ADGRB3: variants seen among roughly 807,000 people sequenced by gnomAD.
ADGRB3 encodes adhesion G protein-coupled receptor B3.
ADGRB3 carries 37 observed loss-of-function variants against 193.4 expected under a neutral mutation model. That is an observed-to-expected ratio of 0.19 (90% confidence interval 0.15 to 0.25). The LOEUF is 0.25. ADGRB3 is among the 10% of genes least tolerant of loss of function. ADGRB3 has a pLI of 1.00. For synonymous variants in ADGRB3, 690 were observed against 644.2 expected, an observed-to-expected ratio of 1.07 and a Z score of -1.08; for missense variants, 1,637 against 1,852.9, an observed-to-expected ratio of 0.88 and a Z score of 2.14.
At chr6:68,667,028 T>G (rs552667222) in intron 3 of ADGRB3, among the ~76,000 whole-genome samples, 6 of 151,962 alleles carry the variant, frequency 3.9e-5, no homozygotes, top group African/African-American at 1.4e-4. Flanking sequence ...GTAGTTGTAA[T>G]GGATTACTGT....
At chr6:69,098,126 T>C (rs1772937313) in intron 17 of ADGRB3, among the ~76,000 whole-genome samples, 2 of 152,190 alleles carry the variant, frequency 1.3e-5, no homozygotes, top group African/African-American at 4.8e-5. Flanking sequence ...TAGTGCAGCT[T>C]ACCTGAGTTT....
chr6:69,027,875 C>A (rs1454338457), intron 13 of ADGRB3, among the ~76,000 whole-genome samples: 1 of 152,212 alleles, frequency 6.6e-6, no homozygotes, highest in Non-Finnish European at 1.5e-5. Flanking sequence ...AAGAATCCAA[C>A]TACAGAAGCA....
At chr6:69,270,317 A>T (rs1387993095) in intron 20 of ADGRB3, among the ~76,000 whole-genome samples, 1 of 152,182 alleles carries the variant, frequency 6.6e-6, no homozygotes, top group Non-Finnish European at 1.5e-5. Context: ...AGAGAGAAAC[A>T]CTGGGATTTG....
At chr6:69,366,424 G>A (rs1769568930) in intron 29 of ADGRB3, among the ~76,000 whole-genome samples, 1 of 152,084 alleles carries the variant, frequency 6.6e-6, no homozygotes, top group African/African-American at 2.4e-5. Context: ...ATTACTTGCT[G>A]TGAATCTTCT....
At position 69,382,921 on chromosome 6, in the gene ADGRB3, A is replaced by G; in HGVS notation, c.4366A>G (p.Asn1456Asp). 6.2e-7 allele frequency: 1 copy of G among 1,602,866 alleles called. No individual in the cohort carries two copies. The highest frequency in any genetic ancestry group is 1.3e-5 in the African/African-American group (1 of 74,514). The change falls in exon 31 of 32, where the codon AAT becomes GAT. Residue 1456 changes from asparagine to aspartate, a missense_variant. This residue lies in a region of ADGRB3 where 368 missense variants were observed against 367.4 expected (regional missense o/e 1.00). Coordinates refer to ENST00000370598, the MANE Select transcript of ADGRB3 (RefSeq NM_001704.3). ...TTTGGACAGATTTCGGGATATACCA[A>G]ATACAAGCAGTATGGTAAGTATGCT... is the stretch of plus-strand genomic sequence containing the variant. ...QTLDRFRDIP[N>D]TSSMENPAPN...
At chr6:69,100,825 A>AGAAG (rs1280498014) in intron 17 of ADGRB3, among the ~76,000 whole-genome samples, 5 of 16,154 alleles carry the variant, frequency 3.1e-4, no homozygotes, top group Non-Finnish European at 7.3e-4. Flanking sequence ...AAGGAAGGAA[A>AGAAG]GAAGGAAGGA....
intron 19 of ADGRB3, among the ~76,000 whole-genome samples, chr6:69,236,284 C>T (rs906231665): frequency 4.0e-5 from 6 of 151,724 alleles, no homozygotes; most frequent in Non-Finnish European, 7.4e-5. Context: ...TATCTCTTGA[C>T]CCATTAGCAC....
chr6:68,931,447 T>G (rs191701003), intron 4 of ADGRB3, among the ~76,000 whole-genome samples: 1 of 152,222 alleles, frequency 6.6e-6, no homozygotes, highest in Non-Finnish European at 1.5e-5. Flanking sequence ...TTGCATGTAG[T>G]ACATCCTTAA....
At chr6:69,260,054 T>A (rs915562952) in intron 20 of ADGRB3, among the ~76,000 whole-genome samples, 1 of 152,210 alleles carries the variant, frequency 6.6e-6, no homozygotes, top group Non-Finnish European at 1.5e-5. Flanking sequence ...CGCAAAATTA[T>A]GTGTGTGTGC....
chr6:69,156,041 G>A (rs895498844), intron 17 of ADGRB3, among the ~76,000 whole-genome samples: 13 of 151,890 alleles, frequency 8.6e-5, no homozygotes, highest in Non-Finnish European at 1.6e-4. Flanking sequence ...ACATATGCTC[G>A]TTAATTTAAT....
chr6:69,369,907 C>T (rs902651700), intron 29 of ADGRB3, among the ~76,000 whole-genome samples: 1 of 152,002 alleles, frequency 6.6e-6, no homozygotes, highest in Non-Finnish European at 1.5e-5. Flanking sequence ...AAAAGTTAAC[C>T]TGCTTGACCT....
intron 3 of ADGRB3, among the ~76,000 whole-genome samples, chr6:68,686,144 A>G (rs1302024225): frequency 6.6e-6 from 1 of 152,156 alleles, no homozygotes; most frequent in Non-Finnish European, 1.5e-5. Flanking sequence ...TTCCCATCAA[A>G]CTCTTGCAAA....
chr6:68,740,066 C>T (rs1765949674), intron 3 of ADGRB3, among the ~76,000 whole-genome samples: 1 of 152,130 alleles, frequency 6.6e-6, no homozygotes, highest in Non-Finnish European at 1.5e-5. Flanking sequence ...CTCTCTGACA[C>T]TCTATTTTAT....
chr6:69,057,202 A>G (rs1771569585), intron 15 of ADGRB3, among the ~76,000 whole-genome samples: 1 of 152,048 alleles, frequency 6.6e-6, no homozygotes, highest in African/African-American at 2.4e-5. Flanking sequence ...GTTCATTGAT[A>G]ATGTATGGAA....
At chr6:68,957,909 C>G (rs9360368) in intron 8 of ADGRB3, among the ~76,000 whole-genome samples, 50,864 of 151,778 alleles carry the variant, frequency 0.34, 8,804 homozygotes, top group East Asian at 0.56. Context: ...TAAAAAAGAT[C>G]GAAAATTAGG....
Position 68,643,438 on chromosome 6 carries a change from C to CTTTTTTTTTTT in ADGRB3, c.757+4018_757+4028dup, listed in dbSNP as rs765489730. ...CTTTCTCTTTACACTCTTCATCTTC[C>CTTTTTTTTTTT]TTTTTTTTTTTTTTTTTTTTTTCGT... On this transcript the variant is annotated intron_variant, in intron 3 of 31. Transcript: ENST00000370598. Among the ~76,000 whole-genome samples the CTTTTTTTTTTT allele has an allele frequency of 8.1e-3, 530 of 65,036 alleles. 16 individuals are homozygous for CTTTTTTTTTTT. The highest frequency in any genetic ancestry group is 8.7e-3 in the Non-Finnish European group (333 of 38,432). 42.7% of individuals were successfully genotyped at this position (65,036 alleles called of 152,430 possible).
At chr6:68,673,119 A>G (rs1769007378) in intron 3 of ADGRB3, among the ~76,000 whole-genome samples, 1 of 152,036 alleles carries the variant, frequency 6.6e-6, no homozygotes, top group South Asian at 2.1e-4. Flanking sequence ...AGGTGCAATA[A>G]TAATTAAATG....
At chr6:68,828,330 A>T (rs1224120743) in intron 3 of ADGRB3, among the ~76,000 whole-genome samples, 1 of 152,192 alleles carries the variant, frequency 6.6e-6, no homozygotes, top group Non-Finnish European at 1.5e-5. Flanking sequence ...CCTCTGAAGA[A>T]GATGTTCTAG....
intron 3 of ADGRB3, among the ~76,000 whole-genome samples, chr6:68,707,558 A>G (rs922895364): frequency 6.4e-4 from 97 of 152,300 alleles, no homozygotes; most frequent in African/African-American, 2.1e-3. Context: ...ACATAATCCA[A>G]TCAAATGGGC....
Sources: gnomAD v4.1 joint callset for allele counts (sites outside exome capture counted in the v4.1 genomes callset) on GRCh38, gnomAD v4.1.1 for gene constraint, gnomAD v4.1.1 regional missense constraint, MANE v1.5 for transcripts, NCBI Gene and HGNC (gene_info 2026-07-23, HGNC 2026-07-21) for gene names.